TTF2: variants seen among roughly 807,000 people sequenced by gnomAD.
TTF2 encodes RNA polymerase II termination factor.
In TTF2, 108 loss-of-function variants were observed where a neutral mutation model predicts 142.4. That is an observed-to-expected ratio of 0.76 (90% CI 0.65 to 0.89). The LOEUF (loss-of-function observed/expected upper bound fraction) is 0.89. TTF2 is among the 40% of genes least tolerant of loss of function. The probability of loss-of-function intolerance (pLI) is 0.00; values close to 1 mark genes in which losing one functional copy is unlikely to be tolerated. For synonymous variants in TTF2, 483 were observed against 506.2 expected, an observed-to-expected ratio of 0.95 and a Z score of 0.61; for missense variants, 1,327 against 1,379.8, an observed-to-expected ratio of 0.96 and a Z score of 0.61.
chr1:117,062,460 A>G lies in TTF2; in HGVS notation c.205A>G (p.Lys69Glu). Residue 69 changes from lysine (K) to glutamate (E), a missense_variant, in exon 3 of 23, where the codon AAG becomes GAG. Physicochemically the swap from Lys to Glu is moderately conservative, Grantham distance 56 (BLOSUM62 1). Coordinates refer to ENST00000369466, the MANE Select transcript of TTF2 (RefSeq NM_003594.4). ...TCAGGGTTTGCTTCTGCCACAGGAC[A>G]AGAAAGAATACAGGTAAGGGTCCAA... ...ELQGLLLPQD[K>E]KEYRLFFRCI... The G allele has an allele frequency of 1.9e-6, 3 of 1,613,034 alleles. No individual in the cohort carries two copies. The highest frequency in any genetic ancestry group is 2.5e-6 in the Non-Finnish European group (3 of 1,179,844).
chr1:117,064,820 G>GT (rs757750932), intron 3 of TTF2, among the ~76,000 whole-genome samples: 47,991 of 142,804 alleles, frequency 0.34, 8,234 homozygotes, highest in African/African-American at 0.42. Flanking sequence ...CACCTGGCCT[G>GT]TTTTTTTTTT....
At chr1:117,061,757 A>G (rs1359622465) in intron 2 of TTF2, among the ~76,000 whole-genome samples, 1 of 152,240 alleles carries the variant, frequency 6.6e-6, no homozygotes, top group Non-Finnish European at 1.5e-5. Flanking sequence ...ACAAACTAGC[A>G]CAGTGGTATT....
chr1:117,089,029 C>T (rs1363144075), intron 13 of TTF2, 47 bp downstream of exon 13: 1 of 1,523,386 alleles, frequency 6.6e-7, no homozygotes, highest in Non-Finnish European at 8.8e-7. Flanking sequence ...TGTCTGTATC[C>T]CTTCATCATT....
At position 117,076,502 on chromosome 1, in the gene TTF2, A is replaced by T. The variant is rs959352630; in HGVS notation, c.1391-139A>T. ...TACTTTCTTCCCCATTGTTTAAGCAACTGTTAAAATGCTACCTTCTCTAGG... is the reference window on the plus strand; with the variant it reads ...TACTTTCTTCCCCATTGTTTAAGCATCTGTTAAAATGCTACCTTCTCTAGG... On this transcript the variant is annotated intron_variant, in intron 6 of 22. Coordinates refer to ENST00000369466, the MANE Select transcript of TTF2 (RefSeq NM_003594.4). The surrounding 1 kb of genome is among the most constrained non-coding windows in gnomAD (Gnocchi z 4.6). The T allele has an allele frequency of 9.2e-7, 1 of 1,084,780 alleles. No homozygotes were observed. The highest frequency in any genetic ancestry group is 1.3e-6 in the Non-Finnish European group (1 of 765,684). 67.2% of individuals were successfully genotyped at this position (1,084,780 alleles called of 1,614,324 possible). A position where few individuals can be genotyped will look rare whatever the true frequency, so the allele number is the denominator to read the frequency against.
rs1480623983 is a variant in TTF2, at chr1:117,105,255, A to G, written c.*3731A>G. The stretch of plus-strand genomic sequence containing the variant: ...AACCAGATGGTGAACATCTGTCTCC[A>G]AAGTGCAACATTCCTGAGCACCGGA... On this transcript the variant is annotated 3_prime_UTR_variant, in exon 23 of 23. Transcript: ENST00000369466. The surrounding 1 kb of genome is among the most constrained non-coding windows in gnomAD (Gnocchi z 4.7). The G allele has an allele frequency of 6.6e-6, 1 of 152,222 alleles. No homozygotes were observed. Among genetic ancestry groups the G allele is most frequent in the Non-Finnish European group, 1.5e-5 (1 of 68,030 alleles). 9.4% of individuals were successfully genotyped at this position (152,222 alleles called of 1,614,324 possible).
At chr1:117,062,508 CT>C (rs35553508) in intron 3 of TTF2, 35 bp downstream of exon 3, 184,798 of 1,208,594 alleles carry the variant, frequency 0.15, 1,193 homozygotes, top group African/African-American at 0.25. Context: ...AGTGTATTTG[CT>C]TTTTTTTTTT....
Position 117,084,141 on chromosome 1 carries a change from G to A in TTF2, c.2027G>A (p.Gly676Glu). 1 of 1,614,142 alleles carries A rather than the reference G, an allele frequency of 6.2e-7. No individual in the cohort carries two copies. Among genetic ancestry groups the A allele is most frequent in the Non-Finnish European group, 8.5e-7 (1 of 1,180,022 alleles). ...AAACTAAGAGTCTATCTCTACCATG[G>A]GCCAAACCGGGATTCACGTGCCAGA... ...SNKLRVYLYH[G>E]PNRDSRARVL... The change falls in exon 11 of 23, where the codon GGG (glycine) becomes GAG (glutamate). Residue 676 changes from glycine to glutamate, a missense_variant. Physicochemically the swap from Gly to Glu is moderately conservative, Grantham distance 98 (BLOSUM62 -2). Transcript: ENST00000369466.
intron 9 of TTF2, among the ~76,000 whole-genome samples, chr1:117,081,545 AATAAC>A (rs1399696117): frequency 2.0e-5 from 3 of 152,234 alleles, no homozygotes; most frequent in Non-Finnish European, 4.4e-5. Context: ...TTGTGCGGGT[AATAAC>A]ATAACATAGG....
intron 3 of TTF2, among the ~76,000 whole-genome samples, chr1:117,064,618 A>G (rs1041163412): frequency 6.6e-6 from 1 of 152,104 alleles, no homozygotes; most frequent in Non-Finnish European, 1.5e-5. Flanking sequence ...CCTGGGTTCA[A>G]GCAATTCTTA....
rs1649373147 is a variant in TTF2 at position 117,098,882 on chromosome 1, C to T, written c.3319C>T (p.Gln1107Ter). Residue 1107 changes from glutamine (Q) to a stop codon, truncating the protein, a stop_gained, in exon 22 of 23, where the codon CAG (glutamine) becomes TAG (stop). Transcript: ENST00000369466. LOFTEE classifies it high-confidence loss of function. The part of the protein sequence containing the change: ...QACDRIYRVG[Q>*]QKDVVIHRFV... ...TTGTGACCGAATTTACCGAGTAGGGCAGCAGAAAGATGTTGTCATACACAG... is the reference window on the plus strand; with the variant it reads ...TTGTGACCGAATTTACCGAGTAGGGTAGCAGAAAGATGTTGTCATACACAG... The T allele has an allele frequency of 6.2e-7, 1 of 1,612,776 alleles. No homozygotes were observed. Among genetic ancestry groups the T allele is most frequent in the East Asian group, 2.2e-5 (1 of 44,802 alleles).
In TTF2 at chr1:117,070,249, G is replaced by A. The variant is rs995353238; in HGVS notation, c.219-3412G>A. On this transcript the variant is annotated intron_variant, in intron 3 of 22. Transcript: ENST00000369466. The surrounding 1 kb of genome is among the most constrained non-coding windows in gnomAD (Gnocchi z 4.2). ...ACAGTCATGAGTCATTTAACAATGG[G>A]GGCATATTCTGAGAAATGCGTCATT... is the stretch of plus-strand genomic sequence containing the variant. Among the ~76,000 whole-genome samples the A allele has an allele frequency of 3.3e-5, 5 of 152,114 alleles. No individual in the cohort carries two copies. The highest frequency in any genetic ancestry group is 5.9e-5 in the Non-Finnish European group (4 of 68,012).
In TTF2 at chr1:117,086,374, T is replaced by C. The variant is rs1648011040; in HGVS notation, c.2055-43T>C. 2.1e-6 allele frequency: 3 copies of C among 1,449,338 alleles called. No homozygotes were observed. In the African/African-American group the frequency reaches 4.2e-5, roughly 20 times the overall value. The allele number at this position is 1,449,338 out of a possible 1,614,324, so 89.8% of individuals were successfully genotyped here. A position where few individuals can be genotyped will look rare whatever the true frequency, so the allele number is the denominator to read the frequency against. On this transcript the variant is annotated intron_variant, in intron 11 of 22. Coordinates refer to ENST00000369466, the MANE Select transcript of TTF2 (RefSeq NM_003594.4). The surrounding 1 kb of genome is among the most constrained non-coding windows in gnomAD (Gnocchi z 4.2). ...AACTCTGCCTCTCTCATTGTCCCTC[T>C]ATAGTGGGACCATTTATTGATTTCT...
rs2101146854 is a variant in TTF2, at chr1:117,092,276, T to C, written c.2805+326T>C. 6.6e-6 allele frequency among the ~76,000 whole-genome samples: 1 copy of C among 152,346 alleles called. No homozygotes were observed. The highest frequency in any genetic ancestry group is 2.4e-5 in the African/African-American group (1 of 41,574). On this transcript the variant is annotated intron_variant, in intron 17 of 22. Transcript: ENST00000369466. The surrounding 1 kb of genome is among the most constrained non-coding windows in gnomAD (Gnocchi z 4.4). ...AATGCTCTGGTACTTCAGAATGTCA[T>C]AAAGCTAATTTAGTTCTTGGGGTTT...
rs1470305184 is a variant in TTF2 at position 117,090,254 on chromosome 1, A to G, written c.2496+46A>G. 1 of 1,596,344 alleles carries G rather than the reference A, an allele frequency of 6.3e-7. No individual in the cohort carries two copies. The highest frequency in any genetic ancestry group is 1.3e-5 in the African/African-American group (1 of 74,378). On this transcript the variant is annotated intron_variant, in intron 14 of 22. Coordinates refer to ENST00000369466, the MANE Select transcript of TTF2 (RefSeq NM_003594.4). This position sits in a 1 kb window ranked among gnomAD's most constrained non-coding sequence, Gnocchi z 4.8. Reference sequence around the variant, plus strand: ...CCCTGGGGGAGGCCAGGGAAGGAACATGACTGTGTCCTTGTCTTGGGTTGA... The same window carrying G: ...CCCTGGGGGAGGCCAGGGAAGGAACGTGACTGTGTCCTTGTCTTGGGTTGA...
Position 117,081,920 on chromosome 1 carries a change from A to G in TTF2, c.1876A>G (p.Thr626Ala). 4 of 1,614,186 alleles carry G rather than the reference A, an allele frequency of 2.5e-6. No individual in the cohort carries two copies. The highest frequency in any genetic ancestry group is 1.7e-6 in the Non-Finnish European group (2 of 1,180,014). The stretch of plus-strand genomic sequence containing the variant: ...GAAAAAGGAAGAAAAGGAGAAAAGC[A>G]CAGCTTTGACGTGGCTCTCCAAAGA... The part of the protein sequence containing the change: ...QEKKEEKEKS[T>A]ALTWLSKDDS... The change falls in exon 10 of 23, where the codon ACA becomes GCA. Residue 626 changes from threonine to alanine, a missense_variant. Transcript: ENST00000369466.
intron 3 of TTF2, among the ~76,000 whole-genome samples, chr1:117,064,057 C>A (rs1655892198): frequency 6.6e-6 from 1 of 152,158 alleles, no homozygotes; most frequent in Non-Finnish European, 1.5e-5. Context: ...CTTTTCATTT[C>A]TAAAATTTTG....
rs575242225 is a variant in TTF2, at chr1:117,092,132, A to G, written c.2805+182A>G. 6.6e-6 allele frequency among the ~76,000 whole-genome samples: 1 copy of G among 152,220 alleles called. No individual in the cohort carries two copies. The highest frequency in any genetic ancestry group is 1.9e-4 in the East Asian group (1 of 5,184). ...GGGCTTATTTATTTTGCTTTATTTC[A>G]TATTAATCTTGATAATTCCTATGGC... On this transcript the variant is annotated intron_variant, in intron 17 of 22. Coordinates refer to ENST00000369466, the MANE Select transcript of TTF2 (RefSeq NM_003594.4). The surrounding 1 kb of genome is among the most constrained non-coding windows in gnomAD (Gnocchi z 4.4).
chr1:117,062,246 G>C (rs1453090578), intron 2 of TTF2, 141 bp from the exon 3 acceptor site: 19 of 687,990 alleles, frequency 2.8e-5, no homozygotes, highest in Non-Finnish European at 4.7e-5. Context: ...GCCCATAGCT[G>C]TGATAATGTG....
rs768070412 is a variant in TTF2 at position 117,101,483 on chromosome 1, A to G, written c.3448A>G (p.Lys1150Glu). The G allele has an allele frequency of 2.1e-5, 34 of 1,606,722 alleles. 1 individual carries two copies. The Middle Eastern group carries it at 6.6e-4, about 31-fold the overall frequency. ...ATCAGGGTCTGGAGAATCTGTCACC[A>G]AGCTCACCTTGGCTGACCTCAGAGT... Reference protein sequence around the residue: ...VLSGSGESVTKLTLADLRVLF... With the variant: ...VLSGSGESVTELTLADLRVLF... The change falls in exon 23 of 23, where the codon AAG becomes GAG. Residue 1150 changes from lysine (K) to glutamate (E), a missense_variant. Transcript: ENST00000369466. The surrounding 1 kb of genome is among the most constrained non-coding windows in gnomAD (Gnocchi z 5.9).
Sources: gnomAD v4.1 joint callset for allele counts (sites outside exome capture counted in the v4.1 genomes callset) on GRCh38, gnomAD v4.1.1 for gene constraint, Gnocchi (gnomAD v3.1) non-coding constraint, MANE v1.5 for transcripts, NCBI Gene and HGNC (gene_info 2026-07-23, HGNC 2026-07-21) for gene names.